Variants in SULF1 observed in about 807,000 individuals in gnomAD.
SULF1 encodes the protein sulfatase 1.
A neutral mutation model predicts 110.5 loss-of-function variants in SULF1; 46 were observed. That is an observed-to-expected ratio of 0.42 (90% confidence interval 0.33 to 0.53). The LOEUF (loss-of-function observed/expected upper bound fraction) is 0.53. SULF1 is among the 20% of genes least tolerant of loss of function. The pLI is 0.12. For synonymous variants in SULF1, 371 were observed against 387.1 expected (o/e 0.96, Z 0.49); for missense variants, 941 against 1,094.2 (o/e 0.86, Z 1.98).
chr8:69,544,928 A>G (rs1814140798), intron 3 of SULF1, among the ~76,000 whole-genome samples: 1 of 152,170 alleles, frequency 6.6e-6, no homozygotes, highest in South Asian at 2.1e-4. Flanking sequence ...TTACCACTTA[A>G]CCTCTTTCAG....
At chr8:69,606,459 T>A (rs547219788) in intron 13 of SULF1, among the ~76,000 whole-genome samples, 9 of 152,340 alleles carry the variant, frequency 5.9e-5, no homozygotes, top group African/African-American at 2.2e-4. Context: ...AATAGACTAA[T>A]TTACTTTTAT....
rs541447637 is a variant in SULF1, at chr8:69,483,963, A to T, written c.-390-11802A>T. ...TACATTATCTAATTTAATTTATGCAACATCTCTATGACATAGAATTATCTT... is the reference window on the plus strand; with the variant it reads ...TACATTATCTAATTTAATTTATGCATCATCTCTATGACATAGAATTATCTT... On this transcript the variant is annotated intron_variant, in intron 1 of 22. Coordinates refer to the SULF1 transcript ENST00000260128. 1.8e-3 allele frequency among the ~76,000 whole-genome samples: 273 copies of T among 152,338 alleles called. 1 individual carries two copies. The highest frequency in any genetic ancestry group is 6.2e-3 in the African/African-American group (256 of 41,568).
At chr8:69,549,903 C>T (rs945055397) in intron 3 of SULF1, among the ~76,000 whole-genome samples, 14 of 151,872 alleles carry the variant, frequency 9.2e-5, no homozygotes, top group Non-Finnish European at 1.6e-4. Context: ...ACTCTCTCAC[C>T]CAGCAACAAC....
At chr8:69,546,216 G>C (rs564712687) in intron 3 of SULF1, among the ~76,000 whole-genome samples, 3 of 152,092 alleles carry the variant, frequency 2.0e-5, no homozygotes, top group Non-Finnish European at 4.4e-5. Context: ...CTCTACAACA[G>C]CAAAAAAATG....
At chr8:69,589,606 G>A (rs1295083268) in intron 8 of SULF1, among the ~76,000 whole-genome samples, 1 of 152,164 alleles carries the variant, frequency 6.6e-6, no homozygotes, top group Non-Finnish European at 1.5e-5. Flanking sequence ...AATTCCTGCA[G>A]AAGGCAGCTT....
At chr8:69,636,707 G>A (rs923463758) in intron 19 of SULF1, among the ~76,000 whole-genome samples, 5 of 152,132 alleles carry the variant, frequency 3.3e-5, no homozygotes, top group African/African-American at 7.2e-5. Context: ...GCAAAACTTC[G>A]TAGCCCAATT....
intron 12 of SULF1, 111 bp from the exon 13 acceptor site, chr8:69,604,692 G>C (rs1419707324): frequency 5.0e-6 from 7 of 1,396,160 alleles, no homozygotes; most frequent in African/African-American, 1.5e-5. Context: ...ATTTCTTGCT[G>C]TTTAAAGAAT....
intron 5 of SULF1, among the ~76,000 whole-genome samples, chr8:69,567,223 T>G (rs537907144): frequency 6.6e-6 from 1 of 152,198 alleles, no homozygotes; most frequent in East Asian, 1.9e-4. Context: ...ACCTCCTTTC[T>G]TGGCAGAAAA....
intron 5 of SULF1, among the ~76,000 whole-genome samples, chr8:69,573,216 G>A (rs1248441958): frequency 3.3e-5 from 5 of 152,150 alleles, no homozygotes; most frequent in South Asian, 2.1e-4. Context: ...TCCTTTTGAC[G>A]TGTGGACTGG....
chr8:69,623,388 G>A (rs779925651), intron 14 of SULF1, among the ~76,000 whole-genome samples: 17 of 152,172 alleles, frequency 1.1e-4, no homozygotes, highest in Non-Finnish European at 1.5e-4. Context: ...CAGTTTTCTC[G>A]TCCATAAAAT....
chr8:69,571,332 G>T (rs1805214471), intron 5 of SULF1, among the ~76,000 whole-genome samples: 1 of 152,208 alleles, frequency 6.6e-6, no homozygotes, highest in Non-Finnish European at 1.5e-5. Flanking sequence ...CAACAACCTT[G>T]TAAACTAGTC....
At chr8:69,644,158 C>A (rs1468884990) in intron 22 of SULF1, among the ~76,000 whole-genome samples, 4 of 152,192 alleles carry the variant, frequency 2.6e-5, no homozygotes, top group African/African-American at 9.7e-5. Flanking sequence ...CTCATCTCCC[C>A]CATAGTGACA....
At chr8:69,501,350 A>C (rs1025152850) in intron 2 of SULF1, among the ~76,000 whole-genome samples, 5 of 152,220 alleles carry the variant, frequency 3.3e-5, no homozygotes, top group African/African-American at 9.6e-5. Flanking sequence ...CAAAGTGTTC[A>C]AATTTATTTT....
intron 1 of SULF1, among the ~76,000 whole-genome samples, chr8:69,471,995 AAGTG>A (rs1322790994): frequency 1.6e-5 from 2 of 125,076 alleles, no homozygotes; most frequent in African/African-American, 6.3e-5. Flanking sequence ...AAGGGAGAGA[AAGTG>A]AGAGAGAGAG....
In SULF1 at chr8:69,638,735, C is replaced by T; in HGVS notation, c.2428C>T (p.Leu810Phe). The T allele has an allele frequency of 6.2e-7, 1 of 1,613,700 alleles. No homozygotes were observed. Among genetic ancestry groups the T allele is most frequent in the Non-Finnish European group, 8.5e-7 (1 of 1,179,950 alleles). Reference sequence around the variant, plus strand: ...TAGATTGTCCTGTCTGCATTCACAGCTCACAAATACAGTGCACACGGTAGA... The same window carrying T: ...TAGATTGTCCTGTCTGCATTCACAGTTCACAAATACAGTGCACACGGTAGA... Reference protein sequence around the residue: ...YFDMNTDPYQLTNTVHTVERG... With the variant: ...YFDMNTDPYQFTNTVHTVERG... The change falls in exon 21 of 23, where the codon CTC becomes TTC. Residue 810 changes from leucine to phenylalanine, a missense_variant and splice_region_variant. Around this residue, in one of 3 missense-constraint regions of SULF1, gnomAD observed 112 missense variants for 133.5 expected, o/e 0.84. Coordinates refer to ENST00000402687, the MANE Select transcript of SULF1 (RefSeq NM_001128205.2).
At chr8:69,510,970 A>ACG (rs1417757209) in intron 3 of SULF1, among the ~76,000 whole-genome samples, 2 of 151,632 alleles carry the variant, frequency 1.3e-5, no homozygotes, top group Admixed American at 1.3e-4. Context: ...ACACACACAC[A>ACG]CACACACACA....
At chr8:69,534,626 C>A (rs1385894573) in intron 3 of SULF1, among the ~76,000 whole-genome samples, 2 of 152,262 alleles carry the variant, frequency 1.3e-5, no homozygotes, top group East Asian at 3.9e-4. Context: ...TAAGCATGAT[C>A]TTTCATGTAT....
chr8:69,579,564 CAA>C (rs1416643898), intron 6 of SULF1, among the ~76,000 whole-genome samples: 2 of 105,048 alleles, frequency 1.9e-5, no homozygotes, highest in South Asian at 2.9e-4. Flanking sequence ...CACACACACA[CAA>C]AAAAAAAAAA....
At chr8:69,561,308 GA>G (rs1283569628) in intron 3 of SULF1, among the ~76,000 whole-genome samples, 1 of 151,936 alleles carries the variant, frequency 6.6e-6, no homozygotes, top group African/African-American at 2.4e-5. Flanking sequence ...CACTGTGGCA[GA>G]AAAAAATGTA....
Sources: allele counts gnomAD v4.1 joint callset (sites outside exome capture counted in the v4.1 genomes callset), GRCh38; gene constraint gnomAD v4.1.1; regional missense constraint gnomAD v4.1.1; transcripts MANE v1.5; gene names NCBI Gene and HGNC (gene_info 2026-07-23, HGNC 2026-07-21).